SCHIP1: variants seen among roughly 807,000 people sequenced by gnomAD.
The protein encoded by SCHIP1 is schwannomin interacting protein 1.
A neutral mutation model predicts 29.7 loss-of-function variants in SCHIP1; 8 were observed. That is an observed-to-expected ratio of 0.27 (90% CI 0.16 to 0.49). The LOEUF (loss-of-function observed/expected upper bound fraction) is 0.49. Ranked by LOEUF, SCHIP1 falls within the 20% of genes least tolerant of loss-of-function variation. SCHIP1 has a pLI of 0.99. For missense variants in SCHIP1, 193 were observed against 294.6 expected, an observed-to-expected ratio of 0.66 and a Z score of 2.52; for synonymous variants, 76 against 94.9, an observed-to-expected ratio of 0.80 and a Z score of 1.16.
the SCHIP1 span, among the ~76,000 whole-genome samples, chr3:159,486,636 G>A: frequency 6.6e-6 from 1 of 152,230 alleles, no homozygotes; most frequent in East Asian, 1.9e-4. Flanking sequence ...GGCCTCATTT[G>A]TGATATGTTT....
At chr3:159,392,760 C>G in the SCHIP1 span, among the ~76,000 whole-genome samples, 1 of 151,988 alleles carries the variant, frequency 6.6e-6, no homozygotes, top group African/African-American at 2.4e-5. Context: ...GTGAATAGAG[C>G]CGCAATAAAC....
At chr3:159,567,175 T>C in the SCHIP1 span, among the ~76,000 whole-genome samples, 3 of 152,212 alleles carry the variant, frequency 2.0e-5, no homozygotes, top group African/African-American at 7.2e-5. Context: ...ATTGTGTTTA[T>C]ATTCTAATTT....
the SCHIP1 span, among the ~76,000 whole-genome samples, chr3:159,724,185 T>C: frequency 6.6e-6 from 1 of 152,250 alleles, no homozygotes; most frequent in Non-Finnish European, 1.5e-5. Context: ...TCTTATTGAT[T>C]GCCTTTTCAT....
At chr3:159,686,355 A>G in the SCHIP1 span, among the ~76,000 whole-genome samples, 1 of 152,226 alleles carries the variant, frequency 6.6e-6, no homozygotes, top group African/African-American at 2.4e-5. Context: ...AGAAGAAAAT[A>G]CAAACCTCTT....
intron 6 of SCHIP1, chr3:159,892,573 T>C: frequency 5.4e-6 from 2 of 367,848 alleles, no homozygotes; most frequent in South Asian, 5.3e-5. Context: ...AAGCACAAGC[T>C]CTTGTATGAT....
chr3:159,815,786 G>A, the SCHIP1 span, among the ~76,000 whole-genome samples: 2 of 151,894 alleles, frequency 1.3e-5, no homozygotes, highest in Admixed American at 6.6e-5. Flanking sequence ...CCTGGTCTTC[G>A]TTTCCCATAA....
the SCHIP1 span, among the ~76,000 whole-genome samples, chr3:159,395,598 T>A: frequency 9.7e-3 from 1,475 of 152,142 alleles, 29 homozygotes; most frequent in African/African-American, 0.033. Context: ...ATTCAGGAGC[T>A]GGTTGTTCAG....
At chr3:159,491,737 A>G in the SCHIP1 span, among the ~76,000 whole-genome samples, 145 of 152,350 alleles carry the variant, frequency 9.5e-4, 2 homozygotes, top group Non-Finnish European at 3.5e-4. Flanking sequence ...CCTGTCTGAC[A>G]GCTTTGAAGA....
the SCHIP1 span, among the ~76,000 whole-genome samples, chr3:159,428,061 C>T: frequency 6.6e-6 from 1 of 152,124 alleles, no homozygotes; most frequent in East Asian, 1.9e-4. Flanking sequence ...GGATTAAAGA[C>T]TTACATGTTA....
chr3:159,630,467 G>A, the SCHIP1 span, among the ~76,000 whole-genome samples: 2 of 151,738 alleles, frequency 1.3e-5, no homozygotes, highest in Non-Finnish European at 2.9e-5. Flanking sequence ...AGAAAATGTG[G>A]TATATATATA....
At chr3:159,738,616 T>A in the SCHIP1 span, among the ~76,000 whole-genome samples, 1 of 152,212 alleles carries the variant, frequency 6.6e-6, no homozygotes. Flanking sequence ...CTATTTTATT[T>A]GATCAACAAA....
chr3:159,839,705 G>A (rs145448998), upstream of SCHIP1, among the ~76,000 whole-genome samples: 1 of 143,904 alleles, frequency 6.9e-6, no homozygotes, highest in Non-Finnish European at 1.5e-5. Context: ...GGATGATGCC[G>A]GAGGTTAGAA....
chr3:159,283,721 G>A, the SCHIP1 span, among the ~76,000 whole-genome samples: 1 of 152,076 alleles, frequency 6.6e-6, no homozygotes, highest in Non-Finnish European at 1.5e-5. Context: ...TAGTACTTCA[G>A]AATTTTTTTA....
chr3:159,575,048 C>T, the SCHIP1 span, among the ~76,000 whole-genome samples: 1 of 152,226 alleles, frequency 6.6e-6, no homozygotes, highest in East Asian at 1.9e-4. Context: ...CCCCCAACCC[C>T]TTGTGCTTCC....
the SCHIP1 span, among the ~76,000 whole-genome samples, chr3:159,766,969 A>C: frequency 5.9e-5 from 9 of 152,196 alleles, no homozygotes; most frequent in Admixed American, 2.6e-4. Flanking sequence ...AACAGTTTGC[A>C]TATTTGCATA....
the SCHIP1 span, among the ~76,000 whole-genome samples, chr3:159,476,938 T>C: frequency 0.14 from 21,109 of 152,104 alleles, 1,533 homozygotes; most frequent in Middle Eastern, 0.16. Flanking sequence ...GCCCAACAAT[T>C]CCATTCCTTC....
chr3:159,664,334 T>G, the SCHIP1 span, among the ~76,000 whole-genome samples: 8 of 152,196 alleles, frequency 5.3e-5, no homozygotes, highest in Non-Finnish European at 7.3e-5. Flanking sequence ...ATTCTATTAT[T>G]AATAATATAG....
At chr3:159,633,788 C>CA in the SCHIP1 span, among the ~76,000 whole-genome samples, 1 of 151,346 alleles carries the variant, frequency 6.6e-6, no homozygotes, top group East Asian at 1.9e-4. Context: ...GAAAATAAAC[C>CA]AAAAAAAGAG....
chr3:159,764,757 C>A, the SCHIP1 span: 1 of 1,571,800 alleles, frequency 6.4e-7, no homozygotes, highest in Non-Finnish European at 8.6e-7. This position sits in a 1 kb window ranked among gnomAD's most constrained non-coding sequence, Gnocchi z 6.1. Context: ...GGGACGTAAG[C>A]GCCAGGACCC....
Sources: gnomAD v4.1 joint callset for allele counts (sites outside exome capture counted in the v4.1 genomes callset) on GRCh38, gnomAD v4.1.1 for gene constraint, Gnocchi (gnomAD v3.1) non-coding constraint, MANE v1.5 for transcripts, NCBI Gene and HGNC (gene_info 2026-07-23, HGNC 2026-07-21) for gene names.